Variants in TYW3 observed in about 807,000 individuals in gnomAD.
TYW3 encodes the protein tRNA-yW synthesizing protein 3 homolog.
TYW3 carries 26 observed loss-of-function variants against 23.1 expected under a neutral mutation model. That is an observed-to-expected ratio of 1.13 (90% CI 0.83 to 1.56). The LOEUF (loss-of-function observed/expected upper bound fraction) is 1.56. Ranked by LOEUF, TYW3 falls within the 40% of genes most tolerant of loss-of-function variation. The pLI is 0.00. For missense variants in TYW3, 316 were observed against 311.9 expected, an observed-to-expected ratio of 1.01 and a Z score of -0.10; for synonymous variants, 102 against 105.7, an observed-to-expected ratio of 0.97 and a Z score of 0.21.
chr1:74,756,967 T>A (rs1267426950), intron 5 of TYW3, among the ~76,000 whole-genome samples: 1 of 152,122 alleles, frequency 6.6e-6, no homozygotes, highest in Non-Finnish European at 1.5e-5. Flanking sequence ...CTTCAGAGGG[T>A]GCAAGCCCCA....
chr1:74,742,981 C>T lies in TYW3; in HGVS notation c.354+4193C>T, dbSNP rs945788294. On this transcript the variant is annotated intron_variant, in intron 3 of 5. Transcript: ENST00000370867. ...CTGGCCCTCAATGGTTAAACATGCC[C>T]AGGGCTCAGTGAGGGTGATGACATG... 5.3e-5 allele frequency among the ~76,000 whole-genome samples: 8 copies of T among 152,246 alleles called. No homozygotes were observed. In the East Asian group the frequency reaches 1.5e-3, roughly 29 times the overall value.
intron 3 of TYW3, among the ~76,000 whole-genome samples, chr1:74,747,514 G>C (rs373962791): frequency 2.0e-5 from 3 of 150,250 alleles, no homozygotes; most frequent in East Asian, 2.0e-4. Flanking sequence ...GCGGGCGCCT[G>C]TAGTCCCAGC....
intron 3 of TYW3, 115 bp downstream of exon 3, chr1:74,738,903 A>G: frequency 1.7e-6 from 1 of 578,928 alleles, no homozygotes; most frequent in East Asian, 3.0e-5. Flanking sequence ...CTAGTTATGT[A>G]TATATTATTT....
chr1:74,733,242 C>G lies in TYW3; in HGVS notation c.-3C>G. The stretch of plus-strand genomic sequence containing the variant: ...CCGAGCGCAGACCCTGAGTCCGTCA[C>G]CCATGGATCGCAGCGCGGAGTTCAG... On this transcript the variant is annotated 5_prime_UTR_variant, in exon 1 of 6. Coordinates refer to ENST00000370867, the MANE Select transcript of TYW3 (RefSeq NM_138467.3). 1.9e-6 allele frequency: 3 copies of G among 1,613,848 alleles called. No homozygotes were observed. The highest frequency in any genetic ancestry group is 1.1e-5 in the South Asian group (1 of 90,972).
intron 1 of TYW3, among the ~76,000 whole-genome samples, chr1:74,734,938 T>A (rs1465943707): frequency 6.6e-6 from 1 of 152,238 alleles, no homozygotes; most frequent in Admixed American, 6.5e-5. Flanking sequence ...TTTAGGTCCA[T>A]TATTGACTGA....
In TYW3 at chr1:74,733,507, ATGTCTGTGTTTG is replaced by A; in HGVS notation, c.174+90_174+101del. 8 of 1,533,076 alleles carry A rather than the reference ATGTCTGTGTTTG, an allele frequency of 5.2e-6. 1 individual carries two copies. The South Asian group carries it at 8.9e-5, about 17-fold the overall frequency. 95.0% of individuals were successfully genotyped at this position (1,533,076 alleles called of 1,614,324 possible). ...CCATCCAGTGACGACCGGATCCAGCATGTCTGTGTTTGCTCCTCTGAGGGGTGGTCTCTGTTT... is the reference window on the plus strand; with the variant it reads ...CCATCCAGTGACGACCGGATCCAGCACTCCTCTGAGGGGTGGTCTCTGTTT... On this transcript the variant is annotated intron_variant, in intron 1 of 5. Coordinates refer to ENST00000370867, the MANE Select transcript of TYW3 (RefSeq NM_138467.3).
chr1:74,748,548 A>C, intron 3 of TYW3: 4 of 535,262 alleles, frequency 7.5e-6, no homozygotes, highest in Admixed American at 3.6e-5. Flanking sequence ...TGACACATCC[A>C]TAGTTCATAT....
intron 3 of TYW3, among the ~76,000 whole-genome samples, chr1:74,747,525 T>C (rs1228049312): frequency 6.1e-4 from 90 of 148,730 alleles, no homozygotes; most frequent in African/African-American, 1.9e-3. Context: ...TAGTCCCAGC[T>C]ACTTGGGAGG....
chr1:74,737,768 G>A (rs1648200994), intron 2 of TYW3, among the ~76,000 whole-genome samples: 1 of 152,196 alleles, frequency 6.6e-6, no homozygotes, highest in African/African-American at 2.4e-5. Flanking sequence ...GAAGAGACTA[G>A]TACCTGACTC....
Position 74,733,189 on chromosome 1 carries a change from A to G in TYW3, c.-56A>G, listed in dbSNP as rs1288989902. The G allele has an allele frequency of 5.0e-6, 8 of 1,590,002 alleles. No individual in the cohort carries two copies. Among genetic ancestry groups the G allele is most frequent in the African/African-American group, 2.7e-5 (2 of 74,448 alleles). ...CGCTCGCTTCAATATGGCTGCCCCC[A>G]GGGAGAGACGAGGCTACCATGAAGG... On this transcript the variant is annotated 5_prime_UTR_variant, in exon 1 of 6. Coordinates refer to ENST00000370867, the MANE Select transcript of TYW3 (RefSeq NM_138467.3).
At chr1:74,744,333 G>T (rs1648472891) in intron 3 of TYW3, among the ~76,000 whole-genome samples, 2 of 152,072 alleles carry the variant, frequency 1.3e-5, no homozygotes, top group South Asian at 4.2e-4. Context: ...CTGCCCTCAG[G>T]TGGCCATTTT....
chr1:74,748,655 C>G (rs767125822), intron 3 of TYW3, 96 bp from the exon 4 acceptor site: 2 of 1,278,758 alleles, frequency 1.6e-6, no homozygotes, highest in Admixed American at 2.0e-5. Flanking sequence ...ACCTTAATAG[C>G]TTTTAGGGTT....
chr1:74,742,991 T>C (rs1193477342), intron 3 of TYW3, among the ~76,000 whole-genome samples: 2 of 152,082 alleles, frequency 1.3e-5, no homozygotes, highest in Non-Finnish European at 2.9e-5. Flanking sequence ...CAGGGCTCAG[T>C]GAGGGTGATG....
chr1:74,751,670 GA>G (rs772374314), intron 4 of TYW3, among the ~76,000 whole-genome samples: 184 of 135,878 alleles, frequency 1.4e-3, no homozygotes, highest in East Asian at 1.7e-3. Context: ...AACTCTGTCT[GA>G]AAAAAAAAAA....
chr1:74,747,370 G>A (rs28409502), intron 3 of TYW3, among the ~76,000 whole-genome samples: 4,512 of 152,210 alleles, frequency 0.03, 229 homozygotes, highest in African/African-American at 0.1. Flanking sequence ...AGGCGCGGTG[G>A]CTCACGCCTG....
chr1:74,755,614 T>G lies in TYW3; in HGVS notation c.560+3189T>G, dbSNP rs184121787. On this transcript the variant is annotated intron_variant, in intron 5 of 5. Transcript: ENST00000370867. ...TAAGGTGTCTTTCCCTTTTAGCTAT[T>G]ATAAATGCTGCTCTGAACATCATTG... 1.3e-4 allele frequency among the ~76,000 whole-genome samples: 20 copies of G among 152,338 alleles called. No homozygotes were observed. In the East Asian group the frequency reaches 3.9e-3, roughly 29 times the overall value.
chr1:74,748,071 A>G (rs1185827970), intron 3 of TYW3, among the ~76,000 whole-genome samples: 1 of 152,162 alleles, frequency 6.6e-6, no homozygotes, highest in Non-Finnish European at 1.5e-5. Flanking sequence ...ATAATGGAGA[A>G]TGTTTAAGCT....
intron 2 of TYW3, 53 bp from the exon 3 acceptor site, chr1:74,738,637 C>T (rs982516286): frequency 1.9e-5 from 25 of 1,291,930 alleles, no homozygotes; most frequent in East Asian, 7.4e-5. Flanking sequence ...GGTAAAGGGT[C>T]GCCAAAGGAC....
At chr1:74,750,800 C>CTTTTTTTTTTTTTTTTTTTTTTTTTTTT (rs34468239) in intron 4 of TYW3, among the ~76,000 whole-genome samples, 1 of 67,654 alleles carries the variant, frequency 1.5e-5, no homozygotes, top group Non-Finnish European at 2.6e-5. Context: ...TCCCCCGCTC[C>CTTTTTTTTTTTTTTTTTTTTTTTTTTTT]TTTTTTTTTT....
Sources: gnomAD v4.1 joint callset for allele counts (sites outside exome capture counted in the v4.1 genomes callset) on GRCh38, gnomAD v4.1.1 for gene constraint, MANE v1.5 for transcripts, NCBI Gene and HGNC (gene_info 2026-07-23, HGNC 2026-07-21) for gene names.